Variants in FBF1 observed in about 807,000 individuals in gnomAD.
FBF1 encodes Fas binding factor 1.
A neutral mutation model predicts 147.2 loss-of-function variants in FBF1; 119 were observed. That is an observed-to-expected ratio of 0.81 (90% CI 0.70 to 0.94). The LOEUF (loss-of-function observed/expected upper bound fraction) is 0.94. FBF1 is among the 40% of genes least tolerant of loss of function. The probability of loss-of-function intolerance (pLI) is 0.00; values close to 1 mark genes in which losing one functional copy is unlikely to be tolerated. For missense variants in FBF1, 1,449 were observed against 1,500.8 expected, an observed-to-expected ratio of 0.97 and a Z score of 0.57; for synonymous variants, 601 against 609.0, an observed-to-expected ratio of 0.99 and a Z score of 0.19.
chr17:75,909,952 G>A lies in FBF1; in HGVS notation c.*771C>T. On this transcript the variant is annotated 3_prime_UTR_variant, in exon 30 of 30. Coordinates refer to ENST00000636174, the MANE Select transcript of FBF1 (RefSeq NM_001319193.2). ...TGATTGGTTCCTTGTCGCCTCCACTGCGTACCCGCTGAGCTGGGCTTTGGG... is the reference window on the plus strand; with the variant it reads ...TGATTGGTTCCTTGTCGCCTCCACTACGTACCCGCTGAGCTGGGCTTTGGG... 1.4e-6 allele frequency: 1 copy of A among 697,698 alleles called. No homozygotes were observed. 43.2% of individuals were successfully genotyped at this position (697,698 alleles called of 1,614,324 possible). A position where few individuals can be genotyped will look rare whatever the true frequency, so the allele number is the denominator to read the frequency against.
chr17:75,913,648 G>T, intron 28 of FBF1, 54 bp downstream of exon 28: 1 of 1,444,730 alleles, frequency 6.9e-7, no homozygotes, highest in Non-Finnish European at 9.3e-7. Context: ...CCCACTCCTA[G>T]CACTGCCCCT....
Position 75,913,903 on chromosome 17 carries a change from G to T in FBF1, c.3129+10C>A. On this transcript the variant is annotated intron_variant, in intron 27 of 29. Coordinates refer to ENST00000636174, the MANE Select transcript of FBF1 (RefSeq NM_001319193.2). ...GGGGGCAGGGGCGCCATACACTCAGGGAGCCTTGCCTGGTGCATGTGCTGC... is the reference window on the plus strand; with the variant it reads ...GGGGGCAGGGGCGCCATACACTCAGTGAGCCTTGCCTGGTGCATGTGCTGC... 6.5e-7 allele frequency: 1 copy of T among 1,547,598 alleles called. No homozygotes were observed.
At position 75,920,292 on chromosome 17, in the gene FBF1, C is replaced by T; in HGVS notation, c.1812G>A (p.Leu604=). The change falls in exon 18 of 30, where the codon CTG becomes CTA. Residue 604 remains leucine, a synonymous_variant. Coordinates refer to ENST00000636174, the MANE Select transcript of FBF1 (RefSeq NM_001319193.2). ...QAELLHSQAR[L]AELEAQVRKL... is the part of the protein sequence containing the mutation. ...CCCTCACCTGGGCCTCCAGCTCTGC[C>T]AGCCGGGCCTGGCTATGCAGCAGCT... is the stretch of plus-strand genomic sequence containing the variant. 1 of 1,610,508 alleles carries T rather than the reference C, an allele frequency of 6.2e-7. No individual in the cohort carries two copies. The highest frequency in any genetic ancestry group is 1.1e-5 in the South Asian group (1 of 90,888).
intron 3 of FBF1, 77 bp from the exon 4 acceptor site, chr17:75,935,750 G>C: frequency 7.2e-7 from 1 of 1,384,586 alleles, no homozygotes; most frequent in South Asian, 1.3e-5. Flanking sequence ...CTTGAGACTC[G>C]CCAGAAGGCG....
At position 75,910,732 on chromosome 17, in the gene FBF1, A is replaced by AT; in HGVS notation, c.3437dup (p.His1146GlnfsTer91). On this transcript the variant is annotated frameshift_variant, in exon 30 of 30. Coordinates refer to ENST00000636174, the MANE Select transcript of FBF1 (RefSeq NM_001319193.2). LOFTEE classifies it high-confidence loss of function. This position sits in a 1 kb window ranked among gnomAD's most constrained non-coding sequence, Gnocchi z 4.1. The stretch of plus-strand genomic sequence containing the variant: ...TCGGCTGGGGTCCCACTCAGGCTGA[A>AT]TGAGATGTCAAATTGTAGGACCCTT... 6.2e-7 allele frequency: 1 copy of AT among 1,609,140 alleles called. No individual in the cohort carries two copies.
chr17:75,913,515 A>G (rs2065467754), intron 28 of FBF1, 187 bp downstream of exon 28: 2 of 477,272 alleles, frequency 4.2e-6, no homozygotes, highest in East Asian at 3.2e-5. Flanking sequence ...GACATTTTTC[A>G]TAATAGTGTT....
intron 4 of FBF1, among the ~76,000 whole-genome samples, chr17:75,935,284 C>T (rs1212327859): frequency 6.6e-6 from 1 of 151,840 alleles, no homozygotes; most frequent in Non-Finnish European, 1.5e-5. Context: ...CCTGCCTCAG[C>T]TTTCCAAGTA....
At chr17:75,927,906 C>A (rs1461565074) in intron 8 of FBF1, among the ~76,000 whole-genome samples, 170 bp downstream of exon 8, 1 of 152,186 alleles carries the variant, frequency 6.6e-6, no homozygotes, top group Non-Finnish European at 1.5e-5. Context: ...TACCCCACCA[C>A]ACACACTCAA....
At position 75,928,081 on chromosome 17, in the gene FBF1, G is replaced by A. The variant is rs1469415726; in HGVS notation, c.392C>T (p.Pro131Leu). 6.2e-7 allele frequency: 1 copy of A among 1,613,258 alleles called. No individual in the cohort carries two copies. The highest frequency in any genetic ancestry group is 8.5e-7 in the Non-Finnish European group (1 of 1,179,834). ...GKGELPNHPK[P>L]AGGAIPTKKS... ...CTCACTGGCTACTGACCCACCTGCA[G>A]GCTTGGGGTGGTTGGGCAGCTCTCC... is the stretch of plus-strand genomic sequence containing the variant. The change falls in exon 8 of 30, where the codon CCT becomes CTT. Residue 131 changes from proline (P) to leucine (L), a missense_variant. Coordinates refer to ENST00000636174, the MANE Select transcript of FBF1 (RefSeq NM_001319193.2). This position sits in a 1 kb window ranked among gnomAD's most constrained non-coding sequence, Gnocchi z 4.2.
At chr17:75,939,159 G>A (rs924160742) in intron 1 of FBF1, among the ~76,000 whole-genome samples, 6 of 151,922 alleles carry the variant, frequency 3.9e-5, no homozygotes, top group African/African-American at 1.5e-4. Flanking sequence ...AGCTGGGCAT[G>A]GTGGCATATG....
intron 5 of FBF1, among the ~76,000 whole-genome samples, chr17:75,932,029 A>G (rs1369012731): frequency 2.0e-5 from 3 of 152,342 alleles, no homozygotes; most frequent in East Asian, 1.9e-4. Flanking sequence ...AGAGGATAGA[A>G]GCCAGGACTG....
chr17:75,921,835 C>T (rs577759624), intron 15 of FBF1, 110 bp downstream of exon 15: 11 of 1,015,440 alleles, frequency 1.1e-5, no homozygotes, highest in Admixed American at 4.4e-5. Flanking sequence ...GTGTGGGACA[C>T]GGGGACGGGG....
intron 8 of FBF1, 117 bp from the exon 9 acceptor site, chr17:75,927,649 G>C: frequency 2.3e-6 from 2 of 853,960 alleles, no homozygotes; most frequent in Non-Finnish European, 3.8e-6. Context: ...GAAGCTGGGG[G>C]CTCATGGCCA....
In FBF1 at chr17:75,918,810, T is replaced by C. The variant is rs985785257; in HGVS notation, c.2139-541A>G. Reference sequence around the variant, plus strand: ...CCCGGCCCCAAGCAGTCTTTCTTTTTTTTTTTTTTTTTCCTAGAGATGAGG... The same window carrying C: ...CCCGGCCCCAAGCAGTCTTTCTTTTCTTTTTTTTTTTTCCTAGAGATGAGG... On this transcript the variant is annotated intron_variant, in intron 20 of 29. Coordinates refer to ENST00000636174, the MANE Select transcript of FBF1 (RefSeq NM_001319193.2). The surrounding 1 kb of genome is among the most constrained non-coding windows in gnomAD (Gnocchi z 5.8). 8.0e-5 allele frequency among the ~76,000 whole-genome samples: 12 copies of C among 149,658 alleles called. No homozygotes were observed. The highest frequency in any genetic ancestry group is 1.5e-4 in the African/African-American group (6 of 40,706).
At chr17:75,932,401 T>G (rs1438658043) in intron 5 of FBF1, among the ~76,000 whole-genome samples, 1 of 151,354 alleles carries the variant, frequency 6.6e-6, no homozygotes, top group Non-Finnish European at 1.5e-5. Flanking sequence ...TAAAAATAAA[T>G]AAATAAATAA....
rs1473594527 is a variant in FBF1 at position 75,923,576 on chromosome 17, A to T, written c.1034T>A (p.Met345Lys). Residue 345 changes from methionine (M) to lysine (K), a missense_variant, in exon 14 of 30, where the codon ATG becomes AAG. By Grantham distance (95) the Met-to-Lys change is moderately conservative. Transcript: ENST00000636174. The surrounding 1 kb of genome is among the most constrained non-coding windows in gnomAD (Gnocchi z 4.1). ...CCTGGGCTGGATGGGGCTGGAAGCC[A>T]TTGGAGGGCTCTGTTTGGAGCCTGG... is the stretch of plus-strand genomic sequence containing the variant. ...GEPGSKQSPPMASSPIQPRKG... is the reference protein window; with the variant it reads ...GEPGSKQSPPKASSPIQPRKG... The T allele has an allele frequency of 3.1e-6, 5 of 1,610,602 alleles. No homozygotes were observed. The highest frequency in any genetic ancestry group is 4.2e-6 in the Non-Finnish European group (5 of 1,178,830).
At position 75,937,905 on chromosome 17, in the gene FBF1, T is replaced by C. The variant is rs532258682; in HGVS notation, c.3+242A>G. 7.5e-4 allele frequency: 476 copies of C among 632,950 alleles called. 1 individual carries two copies. The highest frequency in any genetic ancestry group is 1.1e-3 in the Non-Finnish European group (411 of 360,660). 39.2% of individuals were successfully genotyped at this position (632,950 alleles called of 1,614,324 possible). ...GGAAATGTCTTCTATTCCGTGCCCC[T>C]GACTCCTCAATACCAGTGACAGACA... On this transcript the variant is annotated intron_variant, in intron 2 of 29. Transcript: ENST00000636174.
At position 75,914,207 on chromosome 17, in the gene FBF1, T is replaced by C; in HGVS notation, c.2906A>G (p.Gln969Arg). The C allele has an allele frequency of 1.3e-6, 2 of 1,594,444 alleles. No individual in the cohort carries two copies. Among genetic ancestry groups the C allele is most frequent in the South Asian group, 1.1e-5 (1 of 87,780 alleles). Residue 969 changes from glutamine to arginine, a missense_variant, in exon 26 of 30, where the codon CAG becomes CGG. Coordinates refer to ENST00000636174, the MANE Select transcript of FBF1 (RefSeq NM_001319193.2). ...AERAALEQER[Q>R]ELRLEKERIN... The stretch of plus-strand genomic sequence containing the variant: ...CCTCTCCTTCTCCAGCCGCAGCTCC[T>C]GCCGCTCCTGCTCCAGGGCTGCTCT...
In FBF1 at chr17:75,920,405, G is replaced by A. The variant is rs201135595; in HGVS notation, c.1699C>T (p.Arg567Trp). 659 of 1,607,478 alleles carry A rather than the reference G, an allele frequency of 4.1e-4. No homozygotes were observed. Among genetic ancestry groups the A allele is most frequent in the Admixed American group, 6.3e-4 (37 of 59,090 alleles). Reference sequence around the variant, plus strand: ...TATTCTGTGCTCGGCAGCAGGCTCCGGGCCAGGGACTCTGGGAGCAGGGGC... The same window carrying A: ...TATTCTGTGCTCGGCAGCAGGCTCCAGGCCAGGGACTCTGGGAGCAGGGGC... Reference protein sequence around the residue: ...VQPLLPESLARSLLPSTEYQK... With the variant: ...VQPLLPESLAWSLLPSTEYQK... The change falls in exon 18 of 30, where the codon CGG becomes TGG. Residue 567 changes from arginine to tryptophan, a missense_variant. Transcript: ENST00000636174.
Sources: gnomAD v4.1 joint callset for allele counts (sites outside exome capture counted in the v4.1 genomes callset) on GRCh38, gnomAD v4.1.1 for gene constraint, Gnocchi (gnomAD v3.1) non-coding constraint, MANE v1.5 for transcripts, NCBI Gene and HGNC (gene_info 2026-07-23, HGNC 2026-07-21) for gene names.